XPO4: variants seen among roughly 807,000 people sequenced by gnomAD.
XPO4 encodes exportin 4, also known as exportin-4.
Under a neutral mutation model 143.0 loss-of-function variants are expected in XPO4, and 39 were observed. The ratio of observed to expected loss-of-function variants is 0.27; its 90% CI spans 0.21 to 0.36. The LOEUF (loss-of-function observed/expected upper bound fraction) is 0.36. XPO4 is among the 10% of genes least tolerant of loss of function. The probability of loss-of-function intolerance (pLI) is 1.00; values close to 1 mark genes in which losing one functional copy is unlikely to be tolerated. For missense variants in XPO4, 907 were observed against 1,348.0 expected (o/e 0.67, Z 5.12); for synonymous variants, 439 against 474.0 (o/e 0.93, Z 0.96).
At chr13:20,856,186 C>G in intron 3 of XPO4, 1 of 311,394 alleles carries the variant, frequency 3.2e-6, no homozygotes, top group Non-Finnish European at 4.7e-6. Context: ...TTCCACTAGT[C>G]TGGAGATAAA....
Position 20,853,409 on chromosome 13 carries a change from G to A in XPO4, c.456+2218C>T, listed in dbSNP as rs969574014. ...CTTAATCCCAGCTACTCGAGAGGCT[G>A]AGGTGGGAGGTGGGAGGATTGGCTG... On this transcript the variant is annotated intron_variant, in intron 4 of 22. Coordinates refer to ENST00000255305, the MANE Select transcript of XPO4 (RefSeq NM_022459.5). Among the ~76,000 whole-genome samples, 5 of 151,600 alleles carry A rather than the reference G, an allele frequency of 3.3e-5. No homozygotes were observed. In the East Asian group the frequency reaches 9.6e-4, roughly 29 times the overall value.
intron 1 of XPO4, among the ~76,000 whole-genome samples, chr13:20,899,961 G>A (rs2138195396): frequency 6.6e-6 from 1 of 152,294 alleles, no homozygotes; most frequent in African/African-American, 2.4e-5. Context: ...TCTGGTCCCA[G>A]TATCCTACAG....
At chr13:20,882,041 T>C (rs914230224) in intron 1 of XPO4, among the ~76,000 whole-genome samples, 4 of 144,498 alleles carry the variant, frequency 2.8e-5, no homozygotes, top group African/African-American at 1.0e-4. Context: ...ACCTGGAAGG[T>C]AGAGGTTGCA....
chr13:20,808,966 C>G, intron 11 of XPO4, 117 bp downstream of exon 11: 1 of 1,177,862 alleles, frequency 8.5e-7, no homozygotes, highest in South Asian at 1.6e-5. Flanking sequence ...TCCATTTGTT[C>G]CAGTGTGCTG....
At chr13:20,786,177 C>T (rs565934630) in intron 22 of XPO4, among the ~76,000 whole-genome samples, 7 of 151,970 alleles carry the variant, frequency 4.6e-5, no homozygotes, top group African/African-American at 9.7e-5. Context: ...ACAGATGTTA[C>T]GGGAAGTCTA....
At chr13:20,872,253 G>A (rs1179008080) in intron 1 of XPO4, among the ~76,000 whole-genome samples, 1 of 152,104 alleles carries the variant, frequency 6.6e-6, no homozygotes, top group Admixed American at 6.6e-5. Context: ...TCAAAAATCT[G>A]CTTCCGTCTC....
chr13:20,796,923 G>T lies in XPO4; in HGVS notation c.2457C>A (p.Thr819=). The change falls in exon 17 of 23, where the codon ACC becomes ACA. Residue 819 remains threonine (T), a synonymous_variant. Transcript: ENST00000255305. ...LEALCGIAEA[T]QIDNVAILFN... is the part of the protein sequence containing the mutation. ...ACAGGATTGCTACGTTGTCAATCTGGGTAGCCTCAGCAATGCCACACAGGG... is the reference window on the plus strand; with the variant it reads ...ACAGGATTGCTACGTTGTCAATCTGTGTAGCCTCAGCAATGCCACACAGGG... 1 of 1,614,116 alleles carries T rather than the reference G, an allele frequency of 6.2e-7. No individual in the cohort carries two copies. The highest frequency in any genetic ancestry group is 8.5e-7 in the Non-Finnish European group (1 of 1,180,010).
intron 2 of XPO4, 97 bp from the exon 3 acceptor site, chr13:20,862,955 A>T: frequency 6.4e-7 from 1 of 1,554,856 alleles, no homozygotes; most frequent in Middle Eastern, 2.3e-4. Context: ...TCAGACAAGG[A>T]ATAAGATGGT....
intron 18 of XPO4, among the ~76,000 whole-genome samples, chr13:20,795,630 G>A (rs895973039): frequency 2.0e-5 from 3 of 152,128 alleles, no homozygotes; most frequent in Non-Finnish European, 4.4e-5. Context: ...TTCTGGGGTG[G>A]CCACCGTGAG....
chr13:20,810,424 G>A (rs1005858786), intron 9 of XPO4, among the ~76,000 whole-genome samples: 1 of 152,124 alleles, frequency 6.6e-6, no homozygotes, highest in African/African-American at 2.4e-5. Flanking sequence ...ATTCCATACA[G>A]TAGAAAAGCA....
At chr13:20,879,353 G>C in intron 1 of XPO4, 5 of 972,548 alleles carry the variant, frequency 5.1e-6, no homozygotes, top group South Asian at 4.8e-5. Context: ...TGCCGGTCTG[G>C]ACCTTAACAA....
intron 18 of XPO4, among the ~76,000 whole-genome samples, chr13:20,793,045 C>T (rs999142649): frequency 1.3e-5 from 2 of 152,160 alleles, no homozygotes; most frequent in Non-Finnish European, 2.9e-5. Context: ...CCGCCTCAGC[C>T]TCCCAAAGTG....
intron 1 of XPO4, among the ~76,000 whole-genome samples, chr13:20,883,655 A>G (rs1233725196): frequency 6.6e-6 from 1 of 152,242 alleles, no homozygotes; most frequent in African/African-American, 2.4e-5. Flanking sequence ...AAGAGAGTTT[A>G]CCACCAAAGT....
intron 7 of XPO4, among the ~76,000 whole-genome samples, chr13:20,826,031 G>T (rs2059780415): frequency 6.6e-6 from 1 of 152,106 alleles, no homozygotes; most frequent in Admixed American, 6.6e-5. Flanking sequence ...TAACAATTGG[G>T]ATTAAGCAAA....
chr13:20,847,471 T>G (rs1181098681), intron 4 of XPO4, among the ~76,000 whole-genome samples: 1 of 152,134 alleles, frequency 6.6e-6, no homozygotes, highest in Non-Finnish European at 1.5e-5. Context: ...GAAAAAAAAT[T>G]AAAGCATCAA....
chr13:20,887,860 AAAAAGGAAAGG>A (rs1346933013), intron 1 of XPO4, among the ~76,000 whole-genome samples: 1 of 149,008 alleles, frequency 6.7e-6, no homozygotes, highest in Non-Finnish European at 1.5e-5. Flanking sequence ...CTCTGTCTCA[AAAAAGGAAAGG>A]AAAAGAAAAA....
At chr13:20,847,742 T>G (rs1399797375) in intron 4 of XPO4, among the ~76,000 whole-genome samples, 5 of 152,108 alleles carry the variant, frequency 3.3e-5, no homozygotes, top group Non-Finnish European at 7.4e-5. Flanking sequence ...GTCAGTGAAT[T>G]CGGATCAAAG....
chr13:20,861,768 C>G (rs1045441100), intron 3 of XPO4, among the ~76,000 whole-genome samples: 1 of 140,902 alleles, frequency 7.1e-6, no homozygotes, highest in Non-Finnish European at 1.5e-5. Context: ...GAACCTTGCA[C>G]ATTTCTCTCT....
intron 1 of XPO4, among the ~76,000 whole-genome samples, chr13:20,900,769 G>A (rs113533372): frequency 0.018 from 2,678 of 149,978 alleles, 92 homozygotes; most frequent in African/African-American, 0.06. Flanking sequence ...CAGCCATCAC[G>A]CCCGGCTAAT....
Sources: allele counts gnomAD v4.1 joint callset (sites outside exome capture counted in the v4.1 genomes callset), GRCh38; gene constraint gnomAD v4.1.1; transcripts MANE v1.5; gene names NCBI Gene and HGNC (gene_info 2026-07-23, HGNC 2026-07-21).